RIC8B: variants seen among roughly 807,000 people sequenced by gnomAD.
The protein encoded by RIC8B is RIC8 guanine nucleotide exchange factor B.
In RIC8B, 16 loss-of-function variants were observed where a neutral mutation model predicts 57.5. The observed-to-expected ratio is 0.28, with a 90% CI of 0.19 to 0.42. The LOEUF (loss-of-function observed/expected upper bound fraction) is 0.42. Ranked by LOEUF, RIC8B falls within the 10% of genes least tolerant of loss-of-function variation. RIC8B has a pLI of 1.00. For missense variants in RIC8B, 481 were observed against 677.0 expected, an observed-to-expected ratio of 0.71 and a Z score of 3.21; for synonymous variants, 216 against 250.8, an observed-to-expected ratio of 0.86 and a Z score of 1.31.
At chr12:106,795,396 C>T (rs1389249104) in intron 2 of RIC8B, among the ~76,000 whole-genome samples, 1 of 152,088 alleles carries the variant, frequency 6.6e-6, no homozygotes, top group Non-Finnish European at 1.5e-5. Context: ...AAACAGCTCT[C>T]TCTCTAGTGA....
chr12:106,844,130 C>T (rs190048266), intron 6 of RIC8B, among the ~76,000 whole-genome samples, 183 bp downstream of exon 6: 24 of 152,116 alleles, frequency 1.6e-4, no homozygotes, highest in African/African-American at 3.6e-4. Flanking sequence ...CAAATGCTAC[C>T]GAGATCTGCT....
intron 7 of RIC8B, among the ~76,000 whole-genome samples, chr12:106,859,809 T>A (rs186524008): frequency 8.5e-4 from 129 of 152,286 alleles, no homozygotes; most frequent in African/African-American, 2.9e-3. Flanking sequence ...TAAGTTTTCT[T>A]TATTTCTTAC....
At chr12:106,865,533 A>G (rs1315410340) in intron 8 of RIC8B, among the ~76,000 whole-genome samples, 3 of 152,186 alleles carry the variant, frequency 2.0e-5, no homozygotes, top group Non-Finnish European at 2.9e-5. Flanking sequence ...GATTCATTCT[A>G]AATTGGTAAA....
intron 2 of RIC8B, among the ~76,000 whole-genome samples, chr12:106,810,167 T>G (rs1169782125): frequency 1.3e-5 from 2 of 150,166 alleles, no homozygotes; most frequent in African/African-American, 4.9e-5. Flanking sequence ...TTTTTTTTTT[T>G]TTTGATCCTC....
At chr12:106,798,592 A>G (rs1175816818) in intron 2 of RIC8B, among the ~76,000 whole-genome samples, 1 of 152,172 alleles carries the variant, frequency 6.6e-6, no homozygotes, top group East Asian at 1.9e-4. Context: ...CGGTAATGGA[A>G]AGCTTACAGC....
At chr12:106,799,370 T>C (rs1029298602) in intron 2 of RIC8B, among the ~76,000 whole-genome samples, 1 of 152,226 alleles carries the variant, frequency 6.6e-6, no homozygotes, top group African/African-American at 2.4e-5. Flanking sequence ...GTTTCTAATA[T>C]ATCATCTCAT....
At chr12:106,803,214 TCAAAAA>T (rs1401878356) in intron 2 of RIC8B, among the ~76,000 whole-genome samples, 1 of 84,278 alleles carries the variant, frequency 1.2e-5, no homozygotes, top group Non-Finnish European at 2.1e-5. Context: ...ATACCCTGTC[TCAAAAA>T]AAAAAAAAAA....
chr12:106,870,713 A>G, intron 8 of RIC8B, 110 bp from the exon 9 acceptor site: 1 of 808,914 alleles, frequency 1.2e-6, no homozygotes, highest in Non-Finnish European at 1.8e-6. Context: ...ATTATTGCCA[A>G]TTTTTTGGCT....
chr12:106,803,069 G>T (rs1425135264), intron 2 of RIC8B, among the ~76,000 whole-genome samples: 5 of 151,836 alleles, frequency 3.3e-5, no homozygotes, highest in African/African-American at 1.2e-4. Context: ...AAAAATAGCT[G>T]AACACAGTTA....
At chr12:106,802,722 AAG>A (rs2044793241) in intron 2 of RIC8B, among the ~76,000 whole-genome samples, 1 of 152,046 alleles carries the variant, frequency 6.6e-6, no homozygotes, top group Admixed American at 6.6e-5. Context: ...ATACCAGTAA[AAG>A]AGAGTAGGAC....
At chr12:106,844,592 G>A (rs1949103227) in intron 6 of RIC8B, among the ~76,000 whole-genome samples, 1 of 152,190 alleles carries the variant, frequency 6.6e-6, no homozygotes, top group Non-Finnish European at 1.5e-5. Context: ...AGATATTGGA[G>A]TGTTTTAAGA....
intron 7 of RIC8B, among the ~76,000 whole-genome samples, chr12:106,854,992 A>G (rs1022254682): frequency 6.6e-6 from 1 of 152,182 alleles, no homozygotes; most frequent in African/African-American, 2.4e-5. Flanking sequence ...ATCTCCCTGC[A>G]AATTGTGTAC....
Position 106,836,631 on chromosome 12 carries a change from C to T in RIC8B, c.837-5958C>T, listed in dbSNP as rs572145670. On this transcript the variant is annotated intron_variant, in intron 4 of 9. Transcript: ENST00000392837. Reference sequence around the variant, plus strand: ...CGAATGAACCACTTCACTGTTAATACCTTGTGCACTCACCTGAATTATTGC... The same window carrying T: ...CGAATGAACCACTTCACTGTTAATATCTTGTGCACTCACCTGAATTATTGC... 3.3e-5 allele frequency among the ~76,000 whole-genome samples: 5 copies of T among 152,324 alleles called. No individual in the cohort carries two copies. In the South Asian group the frequency reaches 8.3e-4, roughly 25 times the overall value.
intron 3 of RIC8B, among the ~76,000 whole-genome samples, chr12:106,825,277 T>C (rs917260725): frequency 2.0e-5 from 3 of 152,176 alleles, no homozygotes; most frequent in African/African-American, 7.2e-5. Context: ...ATTAGGATAT[T>C]AAGATTGATT....
chr12:106,805,529 T>C (rs889007680), intron 2 of RIC8B, among the ~76,000 whole-genome samples: 4 of 152,076 alleles, frequency 2.6e-5, no homozygotes, highest in Non-Finnish European at 5.9e-5. Context: ...CCTGTAATTT[T>C]CCCAGTTTCA....
rs922740773 is a variant in RIC8B, at chr12:106,887,487, C to T, written c.*1472C>T. The stretch of plus-strand genomic sequence containing the variant: ...GGCAAAGCAAAAAAATCAGGAATTA[C>T]GTCTTAAAGGCCTTTCAGCTGCCAG... On this transcript the variant is annotated 3_prime_UTR_variant, in exon 10 of 10. Coordinates refer to ENST00000392837, the MANE Select transcript of RIC8B (RefSeq NM_001330145.2). 7 of 152,142 alleles carry T rather than the reference C, an allele frequency of 4.6e-5. No homozygotes were observed. Among genetic ancestry groups the T allele is most frequent in the Non-Finnish European group, 1.0e-4 (7 of 68,028 alleles). The allele number at this position is 152,142 out of a possible 1,614,324, so 9.4% of individuals were successfully genotyped here. A position where few individuals can be genotyped will look rare whatever the true frequency, so the allele number is the denominator to read the frequency against.
At chr12:106,779,013 G>C (rs998040553) in intron 1 of RIC8B, among the ~76,000 whole-genome samples, 1 of 151,114 alleles carries the variant, frequency 6.6e-6, no homozygotes, top group African/African-American at 2.4e-5. Context: ...TCCTGGGTTC[G>C]AATGATTCTC....
At chr12:106,847,796 C>T (rs1016361073) in intron 6 of RIC8B, among the ~76,000 whole-genome samples, 1 of 152,202 alleles carries the variant, frequency 6.6e-6, no homozygotes, top group African/African-American at 2.4e-5. Context: ...CATTTCTTAG[C>T]ACAGTGCCTA....
intron 6 of RIC8B, among the ~76,000 whole-genome samples, chr12:106,848,817 C>T (rs1325447117): frequency 2.6e-5 from 4 of 151,686 alleles, no homozygotes; most frequent in East Asian, 1.9e-4. Context: ...GTCAGAAACA[C>T]GGAGTAGAAT....
Sources: allele counts gnomAD v4.1 joint callset (sites outside exome capture counted in the v4.1 genomes callset), GRCh38; gene constraint gnomAD v4.1.1; transcripts MANE v1.5; gene names NCBI Gene and HGNC (gene_info 2026-07-23, HGNC 2026-07-21).